The following CNBD1 variants were observed in gnomAD, a reference collection of about 807,000 sequenced individuals.
CNBD1 encodes the protein cyclic nucleotide-binding domain-containing protein 1.
CNBD1 carries 71 observed loss-of-function variants against 54.4 expected under a neutral mutation model. That is an observed-to-expected ratio of 1.30 (90% CI 1.08 to 1.59). The LOEUF (loss-of-function observed/expected upper bound fraction) is 1.59. Ranked by LOEUF, CNBD1 falls within the 40% of genes most tolerant of loss-of-function variation. The pLI is 0.00. For missense variants in CNBD1, 659 were observed against 518.0 expected (o/e 1.27, Z -2.64); for synonymous variants, 182 against 170.7 (o/e 1.07, Z -0.51).
chr8:86,981,283 C>T (rs1331444913), intron 4 of CNBD1, among the ~76,000 whole-genome samples: 1 of 152,156 alleles, frequency 6.6e-6, no homozygotes, highest in Admixed American at 6.5e-5. Flanking sequence ...TGTAACATCA[C>T]TATATTTTTC....
chr8:87,004,449 A>G (rs896638865), intron 4 of CNBD1, among the ~76,000 whole-genome samples: 1 of 151,972 alleles, frequency 6.6e-6, no homozygotes, highest in Admixed American at 6.6e-5. Flanking sequence ...AATTTCTCAT[A>G]TGTGTAAATA....
chr8:87,391,654 T>C (rs1811312722), intron 2 of CNBD1, among the ~76,000 whole-genome samples: 1 of 152,020 alleles, frequency 6.6e-6, no homozygotes, highest in South Asian at 2.1e-4. Context: ...AGACTGAAGT[T>C]GGATCCACAC....
intron 5 of CNBD1, among the ~76,000 whole-genome samples, chr8:87,227,949 C>A (rs963810790): frequency 2.7e-5 from 4 of 149,834 alleles, no homozygotes; most frequent in African/African-American, 1.0e-4. Context: ...TCTTTTTATT[C>A]TTTTTTCTCT....
chr8:87,228,241 C>T (rs943363623), intron 5 of CNBD1, among the ~76,000 whole-genome samples: 4 of 150,822 alleles, frequency 2.7e-5, no homozygotes, highest in South Asian at 2.1e-4. Flanking sequence ...TCTCTCAGCT[C>T]GTCAAAGTCC....
chr8:87,117,275 T>C (rs1334187466), intron 4 of CNBD1, among the ~76,000 whole-genome samples: 1 of 151,558 alleles, frequency 6.6e-6, no homozygotes, highest in African/African-American at 2.4e-5. Context: ...AGCAGGTGCC[T>C]ATAATCCCAG....
chr8:87,196,584 C>T (rs1033966012), intron 4 of CNBD1, among the ~76,000 whole-genome samples: 1 of 152,146 alleles, frequency 6.6e-6, no homozygotes, highest in Non-Finnish European at 1.5e-5. Flanking sequence ...CTTTAGAACA[C>T]CAAGGTCATG....
intron 10 of CNBD1, among the ~76,000 whole-genome samples, chr8:87,375,346 A>C (rs375149800): frequency 6.6e-5 from 10 of 152,002 alleles, no homozygotes; most frequent in African/African-American, 2.4e-4. Context: ...AGTGGAATTT[A>C]GCACATTTCA....
At chr8:87,065,069 CTGTT>C (rs544608583) in intron 4 of CNBD1, among the ~76,000 whole-genome samples, 21 of 151,898 alleles carry the variant, frequency 1.4e-4, no homozygotes, top group Non-Finnish European at 2.5e-4. Context: ...TTGCTTCAAT[CTGTT>C]TGGTTCTTAA....
At chr8:86,980,621 C>CT (rs1808466041) in intron 4 of CNBD1, among the ~76,000 whole-genome samples, 1 of 152,082 alleles carries the variant, frequency 6.6e-6, no homozygotes, top group Non-Finnish European at 1.5e-5. Flanking sequence ...GGATTGCTTA[C>CT]TTTTTTTGGT....
intron 10 of CNBD1, among the ~76,000 whole-genome samples, chr8:87,372,048 G>T (rs929753570): frequency 6.6e-6 from 1 of 151,966 alleles, no homozygotes; most frequent in South Asian, 2.1e-4. Flanking sequence ...AAGTCAAATT[G>T]TCCCTGTTTG....
intron 8 of CNBD1, among the ~76,000 whole-genome samples, chr8:87,323,850 G>A (rs1489402477): frequency 1.5e-5 from 2 of 129,738 alleles, no homozygotes; most frequent in Non-Finnish European, 3.5e-5. Flanking sequence ...TTGAATAGGA[G>A]TGGTGAGAGA....
At chr8:87,408,797 G>T (rs1257927735) in intron 2 of CNBD1, among the ~76,000 whole-genome samples, 1 of 152,018 alleles carries the variant, frequency 6.6e-6, no homozygotes, top group South Asian at 2.1e-4. Flanking sequence ...CTTTTATCGT[G>T]ATCTGGGATT....
intron 5 of CNBD1, among the ~76,000 whole-genome samples, chr8:87,225,271 C>T (rs1288569435): frequency 8.4e-4 from 124 of 147,540 alleles, no homozygotes; most frequent in Non-Finnish European, 1.4e-3. Flanking sequence ...CCAGAACTTC[C>T]AACACTATGT....
intron 4 of CNBD1, among the ~76,000 whole-genome samples, chr8:87,152,456 A>AG (rs397721570): frequency 2.0e-5 from 3 of 151,172 alleles, no homozygotes; most frequent in African/African-American, 7.3e-5. Flanking sequence ...AAAAAAAAAA[A>AG]TCTCAAAAAA....
At chr8:87,073,258 CT>C (rs1810795213) in intron 4 of CNBD1, among the ~76,000 whole-genome samples, 2 of 151,932 alleles carry the variant, frequency 1.3e-5, no homozygotes, top group South Asian at 4.2e-4. Context: ...GCCACTTTAG[CT>C]CAGTAAAGTT....
chr8:87,019,938 A>G (rs537304861), intron 4 of CNBD1, among the ~76,000 whole-genome samples: 20 of 152,258 alleles, frequency 1.3e-4, no homozygotes, highest in African/African-American at 4.3e-4. Context: ...ACAATTCTCA[A>G]GTAAGATTTA....
At chr8:86,883,743 T>A (rs2131781797) in intron 1 of CNBD1, among the ~76,000 whole-genome samples, 1 of 152,214 alleles carries the variant, frequency 6.6e-6, no homozygotes, top group South Asian at 2.1e-4. Context: ...GAAGATTAAT[T>A]ATAGTAGATG....
At chr8:87,344,723 T>C (rs1007627275) in intron 8 of CNBD1, among the ~76,000 whole-genome samples, 6 of 152,164 alleles carry the variant, frequency 3.9e-5, no homozygotes, top group African/African-American at 7.2e-5. Context: ...AAATTACTCA[T>C]ACTGTACACT....
At chr8:87,023,204 C>T (rs1809525712) in intron 4 of CNBD1, among the ~76,000 whole-genome samples, 1 of 152,024 alleles carries the variant, frequency 6.6e-6, no homozygotes, top group South Asian at 2.1e-4. Context: ...AGTGATTTTG[C>T]TGAAGGTAAC....
Sources: allele counts gnomAD v4.1 joint callset (sites outside exome capture counted in the v4.1 genomes callset), GRCh38; gene constraint gnomAD v4.1.1; transcripts MANE v1.5; gene names NCBI Gene and HGNC (gene_info 2026-07-23, HGNC 2026-07-21).